PTPRT: variants seen among roughly 807,000 people sequenced by gnomAD.
PTPRT encodes protein tyrosine phosphatase receptor type T.
Under a neutral mutation model 176.8 loss-of-function variants are expected in PTPRT, and 56 were observed. The ratio of observed to expected loss-of-function variants is 0.32; its 90% CI spans 0.26 to 0.40. The LOEUF is 0.40. Ranked by LOEUF, PTPRT falls within the 10% of genes least tolerant of loss-of-function variation. The pLI is 1.00. For missense variants in PTPRT, 1,540 were observed against 1,908.2 expected, an observed-to-expected ratio of 0.81 and a Z score of 3.60; for synonymous variants, 783 against 739.0, an observed-to-expected ratio of 1.06 and a Z score of -0.96.
intron 11 of PTPRT, among the ~76,000 whole-genome samples, chr20:42,321,131 G>T (rs749293004): frequency 6.6e-6 from 1 of 152,210 alleles, no homozygotes; most frequent in East Asian, 1.9e-4. Flanking sequence ...TCATCTGAGA[G>T]ATACGGTAAT....
intron 7 of PTPRT, among the ~76,000 whole-genome samples, chr20:42,645,621 G>A (rs1290949412): frequency 2.0e-5 from 3 of 152,062 alleles, no homozygotes; most frequent in Admixed American, 6.6e-5. Flanking sequence ...AAATACCACG[G>A]AGAGTCAGAG....
intron 2 of PTPRT, among the ~76,000 whole-genome samples, chr20:42,844,059 T>C (rs1255738759): frequency 6.6e-6 from 1 of 152,222 alleles, no homozygotes; most frequent in Non-Finnish European, 1.5e-5. Flanking sequence ...ATTGAGGACA[T>C]GGGAACAACA....
chr20:43,102,542 TG>T (rs1314904926), intron 1 of PTPRT, among the ~76,000 whole-genome samples: 12 of 152,176 alleles, frequency 7.9e-5, no homozygotes, highest in Admixed American at 7.9e-4. Flanking sequence ...CACCTCCCTT[TG>T]GTGCTCCCCA....
At chr20:42,875,710 A>G (rs141311336) in intron 2 of PTPRT, among the ~76,000 whole-genome samples, 437 of 152,280 alleles carry the variant, frequency 2.9e-3, no homozygotes, top group Non-Finnish European at 4.5e-3. Context: ...ATGACAGAAG[A>G]GTTTGGGAGC....
chr20:42,361,986 A>G (rs953371428), intron 9 of PTPRT, among the ~76,000 whole-genome samples: 7 of 152,234 alleles, frequency 4.6e-5, no homozygotes, highest in African/African-American at 1.7e-4. Flanking sequence ...GGAAACAGTA[A>G]ATGCTTAACA....
chr20:42,138,518 C>G (rs1207926917), intron 18 of PTPRT, among the ~76,000 whole-genome samples: 1 of 152,160 alleles, frequency 6.6e-6, no homozygotes, highest in African/African-American at 2.4e-5. Flanking sequence ...AGAACTGATC[C>G]CAGAAGGGGG....
At chr20:42,368,660 T>C (rs1262177481) in intron 9 of PTPRT, among the ~76,000 whole-genome samples, 1 of 152,158 alleles carries the variant, frequency 6.6e-6, no homozygotes, top group Non-Finnish European at 1.5e-5. Context: ...AACTAAAAGG[T>C]GCTGGGTGTT....
At chr20:42,142,294 T>C (rs1438256087) in intron 17 of PTPRT, among the ~76,000 whole-genome samples, 1 of 152,212 alleles carries the variant, frequency 6.6e-6, no homozygotes, top group Admixed American at 6.5e-5. Flanking sequence ...ACTCAACAGA[T>C]ACTTACTGAG....
At chr20:42,261,887 A>G (rs1392982856) in intron 13 of PTPRT, among the ~76,000 whole-genome samples, 1 of 152,198 alleles carries the variant, frequency 6.6e-6, no homozygotes, top group Non-Finnish European at 1.5e-5. Context: ...AGCTTTGTCC[A>G]GATTATGCAT....
intron 7 of PTPRT, among the ~76,000 whole-genome samples, chr20:42,531,002 T>G (rs1294359752): frequency 1.3e-5 from 2 of 152,248 alleles, no homozygotes; most frequent in Non-Finnish European, 2.9e-5. Flanking sequence ...GACATCATCC[T>G]TAGAACTAAA....
chr20:42,677,390 C>T (rs545802904), intron 7 of PTPRT, among the ~76,000 whole-genome samples: 1 of 151,926 alleles, frequency 6.6e-6, no homozygotes, highest in East Asian at 1.9e-4. Context: ...AGCCAGGAGC[C>T]CTCAGAGACA....
At chr20:42,351,028 C>T (rs1395108914) in intron 10 of PTPRT, among the ~76,000 whole-genome samples, 1 of 152,112 alleles carries the variant, frequency 6.6e-6, no homozygotes, top group African/African-American at 2.4e-5. Context: ...AATATAAGTA[C>T]TAACAAAGAA....
intron 17 of PTPRT, among the ~76,000 whole-genome samples, chr20:42,153,653 G>A (rs1222363106): frequency 6.6e-6 from 1 of 152,284 alleles, no homozygotes; most frequent in Non-Finnish European, 1.5e-5. Flanking sequence ...ATTCCTCCCA[G>A]CTGTGAGCCT....
intron 7 of PTPRT, among the ~76,000 whole-genome samples, chr20:42,607,096 G>A (rs748711674): frequency 4.6e-5 from 7 of 152,134 alleles, no homozygotes; most frequent in Non-Finnish European, 7.4e-5. Context: ...CGCAAAAAGA[G>A]AAATATTATA....
At chr20:42,965,384 C>A (rs1464810273) in intron 1 of PTPRT, among the ~76,000 whole-genome samples, 1 of 152,076 alleles carries the variant, frequency 6.6e-6, no homozygotes, top group Non-Finnish European at 1.5e-5. Context: ...TACAGATATA[C>A]AATAGACATG....
At chr20:42,609,450 T>C (rs969474307) in intron 7 of PTPRT, among the ~76,000 whole-genome samples, 1 of 152,188 alleles carries the variant, frequency 6.6e-6, no homozygotes. Context: ...GGTCCTTGCC[T>C]TTATTTATTG....
intron 1 of PTPRT, among the ~76,000 whole-genome samples, chr20:42,959,307 A>G (rs1302984543): frequency 5.3e-5 from 8 of 152,214 alleles, no homozygotes; most frequent in Admixed American, 3.9e-4. Context: ...GCTAAATTAA[A>G]TAAAAATAAA....
chr20:42,151,288 G>A (rs1481254594), intron 17 of PTPRT, among the ~76,000 whole-genome samples: 1 of 152,008 alleles, frequency 6.6e-6, no homozygotes, highest in Non-Finnish European at 1.5e-5. Context: ...TTGCTCTAAT[G>A]TTCTCCCTCC....
chr20:42,654,133 T>C (rs925638209), intron 7 of PTPRT, among the ~76,000 whole-genome samples: 8 of 152,008 alleles, frequency 5.3e-5, no homozygotes, highest in Non-Finnish European at 1.0e-4. Context: ...TTAGAGGCCA[T>C]GGAAACTATG....
Sources: gnomAD v4.1 joint callset for allele counts (sites outside exome capture counted in the v4.1 genomes callset) on GRCh38, gnomAD v4.1.1 for gene constraint, MANE v1.5 for transcripts, NCBI Gene and HGNC (gene_info 2026-07-23, HGNC 2026-07-21) for gene names.